HCN1: variants seen among roughly 807,000 people sequenced by gnomAD.
HCN1 encodes potassium/sodium hyperpolarization-activated cyclic nucleotide-gated channel 1.
HCN1 carries 13 observed loss-of-function variants against 78.9 expected under a neutral mutation model. That is an observed-to-expected ratio of 0.16 (90% CI 0.11 to 0.26). HCN1 has a LOEUF of 0.26. Among genes scored for constraint, HCN1 ranks in the 10% least tolerant of loss-of-function variants. The pLI, the probability that HCN1 is intolerant of heterozygous loss-of-function variation, is 1.00. For missense variants in HCN1, 810 were observed against 1,154.3 expected (o/e 0.70, Z 4.32); for synonymous variants, 552 against 455.5 (o/e 1.21, Z -2.70).
At chr5:45,380,004 G>T (rs1224604892) in intron 4 of HCN1, among the ~76,000 whole-genome samples, 1 of 152,030 alleles carries the variant, frequency 6.6e-6, no homozygotes, top group Non-Finnish European at 1.5e-5. Context: ...AAATAAGAGA[G>T]AACTTGAGGA....
At chr5:45,296,508 T>C (rs577313351) in intron 6 of HCN1, among the ~76,000 whole-genome samples, 2 of 152,024 alleles carry the variant, frequency 1.3e-5, no homozygotes, top group African/African-American at 2.4e-5. Flanking sequence ...GATAAATATA[T>C]TAGAATAGAA....
chr5:45,657,715 A>G (rs1740634618), intron 1 of HCN1, among the ~76,000 whole-genome samples: 1 of 152,200 alleles, frequency 6.6e-6, no homozygotes, highest in African/African-American at 2.4e-5. Flanking sequence ...GGAGAACTAC[A>G]AACCACTGCT....
intron 2 of HCN1, among the ~76,000 whole-genome samples, chr5:45,519,727 T>A (rs961399852): frequency 2.6e-5 from 4 of 152,022 alleles, no homozygotes; most frequent in Non-Finnish European, 5.9e-5. Context: ...GAAACCTGTC[T>A]TGGAAAATCT....
chr5:45,461,307 C>T (rs192071067), intron 3 of HCN1, among the ~76,000 whole-genome samples: 3 of 152,068 alleles, frequency 2.0e-5, no homozygotes, highest in Admixed American at 1.3e-4. Flanking sequence ...ATTTACATAA[C>T]TTTCAGAGGT....
chr5:45,625,402 G>C (rs1745144349), intron 2 of HCN1, among the ~76,000 whole-genome samples: 1 of 152,070 alleles, frequency 6.6e-6, no homozygotes, highest in African/African-American at 2.4e-5. Flanking sequence ...TATTTGCAAA[G>C]ATAAGGTAGG....
intron 2 of HCN1, among the ~76,000 whole-genome samples, chr5:45,609,539 T>C (rs1744791762): frequency 6.6e-6 from 1 of 152,144 alleles, no homozygotes; most frequent in South Asian, 2.1e-4. Context: ...TATCTTAATA[T>C]TCTCTATTAG....
At chr5:45,526,616 C>A (rs995068980) in intron 2 of HCN1, among the ~76,000 whole-genome samples, 1 of 152,068 alleles carries the variant, frequency 6.6e-6, no homozygotes, top group Non-Finnish European at 1.5e-5. Flanking sequence ...TTGGAGAAAT[C>A]CTTTTTTCTA....
intron 2 of HCN1, among the ~76,000 whole-genome samples, chr5:45,478,661 G>A (rs2111669105): frequency 6.6e-6 from 1 of 152,292 alleles, no homozygotes; most frequent in South Asian, 2.1e-4. Context: ...AAAAATGCTA[G>A]GCAACCAGTG....
intron 2 of HCN1, among the ~76,000 whole-genome samples, chr5:45,492,101 A>C (rs1741896076): frequency 6.6e-6 from 1 of 151,994 alleles, no homozygotes; most frequent in Admixed American, 6.6e-5. Context: ...TTAAGCTAAC[A>C]CACATCATAT....
intron 3 of HCN1, among the ~76,000 whole-genome samples, chr5:45,437,240 A>G (rs144696588): frequency 1.2e-4 from 18 of 152,372 alleles, no homozygotes; most frequent in African/African-American, 3.8e-4. Flanking sequence ...AAGCCACATA[A>G]GAGAATCAGT....
chr5:45,344,841 T>C (rs1746664973), intron 5 of HCN1, among the ~76,000 whole-genome samples: 1 of 152,116 alleles, frequency 6.6e-6, no homozygotes. Flanking sequence ...GTGCAAGATG[T>C]TGGTGGATCA....
intron 2 of HCN1, among the ~76,000 whole-genome samples, chr5:45,605,637 T>C (rs1356922267): frequency 6.6e-6 from 1 of 151,990 alleles, no homozygotes; most frequent in East Asian, 1.9e-4. Context: ...CATGAGTACA[T>C]AGCCAAAGAG....
chr5:45,413,497 T>C (rs1251843990), intron 3 of HCN1, among the ~76,000 whole-genome samples: 1 of 152,052 alleles, frequency 6.6e-6, no homozygotes. Context: ...CAATTATACA[T>C]GCCAATTTGA....
chr5:45,461,002 G>A (rs1741143318), intron 3 of HCN1, among the ~76,000 whole-genome samples: 1 of 151,526 alleles, frequency 6.6e-6, no homozygotes, highest in Non-Finnish European at 1.5e-5. Flanking sequence ...CATCAAAGAG[G>A]GCTATTCACA....
At chr5:45,655,559 A>C (rs1745747614) in intron 1 of HCN1, among the ~76,000 whole-genome samples, 1 of 152,114 alleles carries the variant, frequency 6.6e-6, no homozygotes, top group Admixed American at 6.6e-5. Context: ...ACCTATTCTT[A>C]TCAGTCACCT....
intron 2 of HCN1, among the ~76,000 whole-genome samples, chr5:45,495,565 C>G (rs1447506234): frequency 6.6e-6 from 1 of 152,152 alleles, no homozygotes; most frequent in Non-Finnish European, 1.5e-5. Context: ...ATTTGACTTC[C>G]TCTTTTCCTA....
intron 2 of HCN1, among the ~76,000 whole-genome samples, chr5:45,548,960 A>C (rs1743294782): frequency 6.6e-6 from 1 of 151,538 alleles, no homozygotes; most frequent in African/African-American, 2.4e-5. Flanking sequence ...GACCTCTTCA[A>C]GGAGAACTAC....
chr5:45,350,864 T>A (rs1342683335), intron 5 of HCN1, among the ~76,000 whole-genome samples: 3 of 152,028 alleles, frequency 2.0e-5, no homozygotes, highest in Non-Finnish European at 4.4e-5. Flanking sequence ...CACTGCTCAA[T>A]GAAGTAAAAG....
At chr5:45,312,454 G>A (rs1660240830) in intron 5 of HCN1, among the ~76,000 whole-genome samples, 1 of 152,154 alleles carries the variant, frequency 6.6e-6, no homozygotes, top group African/African-American at 2.4e-5. Flanking sequence ...GCAGAAGACG[G>A]ATGATTTCTG....
Sources: gnomAD v4.1 joint callset for allele counts (sites outside exome capture counted in the v4.1 genomes callset) on GRCh38, gnomAD v4.1.1 for gene constraint, MANE v1.5 for transcripts, NCBI Gene and HGNC (gene_info 2026-07-23, HGNC 2026-07-21) for gene names.